The following DYRK1A variants were observed in gnomAD, a reference collection of about 807,000 sequenced individuals.
DYRK1A encodes the protein dual specificity tyrosine-phosphorylation-regulated kinase 1A.
DYRK1A carries 9 observed loss-of-function variants against 79.7 expected under a neutral mutation model. The observed-to-expected ratio is 0.11, with a 90% confidence interval of 0.07 to 0.20. The LOEUF (loss-of-function observed/expected upper bound fraction) is 0.20, where lower values mean the gene tolerates loss of function less well. Among genes scored for constraint, DYRK1A ranks in the 10% least tolerant of loss-of-function variants. DYRK1A has a pLI of 1.00. For missense variants in DYRK1A, 622 were observed against 956.0 expected, an observed-to-expected ratio of 0.65 and a Z score of 4.61; for synonymous variants, 349 against 329.7, an observed-to-expected ratio of 1.06 and a Z score of -0.63.
chr21:37,420,824 T>TA (rs1338883149), intron 2 of DYRK1A, among the ~76,000 whole-genome samples: 1 of 152,122 alleles, frequency 6.6e-6, no homozygotes, highest in Non-Finnish European at 1.5e-5. Flanking sequence ...CTTAAAAAGA[T>TA]ATGCTCTGGG....
At chr21:37,479,448 C>T (rs868173452) in intron 4 of DYRK1A, among the ~76,000 whole-genome samples, 26 of 150,824 alleles carry the variant, frequency 1.7e-4, no homozygotes, top group Middle Eastern at 6.8e-3. Flanking sequence ...GTCTTAACCA[C>T]GTTATAAAGT....
intron 6 of DYRK1A, chr21:37,488,115 A>G (rs183414089): frequency 2.0e-5 from 3 of 153,380 alleles, no homozygotes; most frequent in East Asian, 3.8e-4. Context: ...GTACTGAAAA[A>G]TGTTAGCTAC....
At chr21:37,377,583 C>G (rs915730052) in intron 1 of DYRK1A, among the ~76,000 whole-genome samples, 3 of 152,146 alleles carry the variant, frequency 2.0e-5, no homozygotes, top group African/African-American at 7.2e-5. Context: ...ATCCTCTCAC[C>G]TTAGCCTCCT....
At chr21:37,493,200 A>G (rs1254343863) in intron 8 of DYRK1A, 37 bp downstream of exon 8, 30 of 1,556,970 alleles carry the variant, frequency 1.9e-5, no homozygotes, top group Non-Finnish European at 2.6e-5. Flanking sequence ...CTGTTTTCAT[A>G]ATTTCTTTTT....
chr21:37,451,191 AAG>A (rs2051436106), intron 2 of DYRK1A, among the ~76,000 whole-genome samples: 1 of 152,244 alleles, frequency 6.6e-6, no homozygotes, highest in Admixed American at 6.5e-5. Context: ...AAAGATTAAA[AAG>A]TTATATAAAG....
At chr21:37,500,689 G>C (rs1400635693) in intron 9 of DYRK1A, among the ~76,000 whole-genome samples, 1 of 151,956 alleles carries the variant, frequency 6.6e-6, no homozygotes, top group East Asian at 1.9e-4. Context: ...GTTTTGGTAA[G>C]TTGTATCTTT....
At chr21:37,387,538 CT>C (rs1380936088) in intron 1 of DYRK1A, among the ~76,000 whole-genome samples, 7 of 152,154 alleles carry the variant, frequency 4.6e-5, no homozygotes, top group Non-Finnish European at 1.0e-4. Flanking sequence ...TTTGTTCCCT[CT>C]TAAGAACCAT....
Position 37,489,647 on chromosome 21 carries a change from G to T in DYRK1A, c.638-528G>T, listed in dbSNP as rs1481974074. Among the ~76,000 whole-genome samples, 4 of 143,452 alleles carry T rather than the reference G, an allele frequency of 2.8e-5. No homozygotes were observed. The East Asian group carries it at 8.3e-4, about 30-fold the overall frequency. The allele number at this position is 143,452 out of a possible 152,430, so 94.1% of individuals were successfully genotyped here. On this transcript the variant is annotated intron_variant, in intron 6 of 11. Transcript: ENST00000647188. Reference sequence around the variant, plus strand: ...TGCCTAAAGGGTAAAAAAAAAAAAGGCTATCAATGAAAATTGTGACAGAAA... The same window carrying T: ...TGCCTAAAGGGTAAAAAAAAAAAAGTCTATCAATGAAAATTGTGACAGAAA...
At chr21:37,459,853 T>G (rs773676040) in intron 2 of DYRK1A, among the ~76,000 whole-genome samples, 41 of 152,248 alleles carry the variant, frequency 2.7e-4, no homozygotes, top group African/African-American at 7.9e-4. Flanking sequence ...GAAATAAGTT[T>G]CGTTTTTTTC....
At chr21:37,458,788 C>T (rs748516697) in intron 2 of DYRK1A, among the ~76,000 whole-genome samples, 10 of 152,132 alleles carry the variant, frequency 6.6e-5, no homozygotes, top group Non-Finnish European at 1.3e-4. Context: ...GAGAGCAGGC[C>T]GAGGTCCATG....
At chr21:37,439,548 T>C (rs764247290) in intron 2 of DYRK1A, among the ~76,000 whole-genome samples, 44 of 152,200 alleles carry the variant, frequency 2.9e-4, no homozygotes, top group Non-Finnish European at 8.8e-5. Flanking sequence ...CTCTGCCTCT[T>C]TTCACGTCAC....
chr21:37,484,986 G>A (rs2052803416), intron 5 of DYRK1A, among the ~76,000 whole-genome samples: 2 of 152,078 alleles, frequency 1.3e-5, no homozygotes, highest in African/African-American at 2.4e-5. Flanking sequence ...TCTGTGTCAG[G>A]TTATTGTCAA....
chr21:37,501,207 T>A (rs1410131271), intron 9 of DYRK1A: 10 of 144,682 alleles, frequency 6.9e-5, no homozygotes, highest in Non-Finnish European at 1.3e-4. Context: ...AGTCTCGCTC[T>A]GTTGCCAGGC....
chr21:37,464,978 T>A (rs2051975804), intron 2 of DYRK1A, among the ~76,000 whole-genome samples: 1 of 152,244 alleles, frequency 6.6e-6, no homozygotes, highest in South Asian at 2.1e-4. Context: ...AATGAATGGA[T>A]AACTTAAATA....
intron 1 of DYRK1A, among the ~76,000 whole-genome samples, chr21:37,400,819 T>C (rs569775104): frequency 1.3e-5 from 2 of 152,302 alleles, no homozygotes; most frequent in African/African-American, 2.4e-5. Flanking sequence ...ACTATGATTG[T>C]ACCCTTTCTA....
chr21:37,484,673 T>C (rs1470133648), intron 5 of DYRK1A, among the ~76,000 whole-genome samples: 1 of 152,154 alleles, frequency 6.6e-6, no homozygotes, highest in Non-Finnish European at 1.5e-5. Context: ...ACCATGCAAA[T>C]TGTAGCCATA....
chr21:37,382,114 G>C (rs563406872), intron 1 of DYRK1A, among the ~76,000 whole-genome samples: 14 of 151,906 alleles, frequency 9.2e-5, no homozygotes, highest in Non-Finnish European at 1.8e-4. Flanking sequence ...AATTCCTGCA[G>C]GTCTCTTTGT....
chr21:37,496,065 GAGT>G, intron 8 of DYRK1A, 50 bp from the exon 9 acceptor site: 1 of 1,546,300 alleles, frequency 6.5e-7, no homozygotes, highest in Non-Finnish European at 8.8e-7. Flanking sequence ...TGATGAGCAG[GAGT>G]AGATGTACAG....
chr21:37,478,222 A>G lies in DYRK1A; in HGVS notation c.222A>G (p.Gln74=), dbSNP rs1398723807. 6.2e-7 allele frequency: 1 copy of G among 1,614,070 alleles called. No individual in the cohort carries two copies. Among genetic ancestry groups the G allele is most frequent in the Non-Finnish European group, 8.5e-7 (1 of 1,180,026 alleles). ...TCATGTTACAGAGGCGGATGCCCCAAACCTTCCGTGACCCAGCAACTGCTC... is the reference window on the plus strand; with the variant it reads ...TCATGTTACAGAGGCGGATGCCCCAGACCTTCCGTGACCCAGCAACTGCTC... ...QPLTNQRRMP[Q]TFRDPATAPL... The change falls in exon 4 of 12, where the codon CAA becomes CAG. Residue 74 remains glutamine (Q), a synonymous_variant. Transcript: ENST00000647188.
Sources: allele counts gnomAD v4.1 joint callset (sites outside exome capture counted in the v4.1 genomes callset), GRCh38; gene constraint gnomAD v4.1.1; transcripts MANE v1.5; gene names NCBI Gene and HGNC (gene_info 2026-07-23, HGNC 2026-07-21).